Variants in EGFL6 observed in about 807,000 individuals in gnomAD.
EGFL6 encodes the protein epidermal growth factor-like protein 6.
In EGFL6, 42 loss-of-function variants were observed where a neutral mutation model predicts 43.1. The ratio of observed to expected loss-of-function variants is 0.98; its 90% CI spans 0.76 to 1.26. The LOEUF (loss-of-function observed/expected upper bound fraction) is 1.26. Ranked by LOEUF, EGFL6 falls within the 50% of genes most tolerant of loss-of-function variation. The pLI is 0.00. For missense variants in EGFL6, 429 were observed against 427.8 expected (o/e 1.00, Z -0.02); for synonymous variants, 164 against 163.2 (o/e 1.01, Z -0.04).
intron 7 of EGFL6, among the ~76,000 whole-genome samples, chrX:13,616,490 A>G (rs1438124150): frequency 9.1e-6 from 1 of 110,447 alleles, no homozygotes; most frequent in South Asian, 3.9e-4. Context: ...CGCACCTGTG[A>G]TCCCAGATAC....
intron 11 of EGFL6, among the ~76,000 whole-genome samples, chrX:13,629,407 C>G (rs1201662837): frequency 1.8e-5 from 2 of 111,002 alleles, no homozygotes; most frequent in Non-Finnish European, 3.8e-5. Flanking sequence ...GGTATACTAG[C>G]AAAACAGTGA....
At chrX:13,579,143 A>G (rs974539464) in intron 1 of EGFL6, among the ~76,000 whole-genome samples, 17 of 109,895 alleles carry the variant, frequency 1.5e-4, no homozygotes, top group African/African-American at 5.7e-4. Flanking sequence ...GGTTTGTTAT[A>G]TAGATAAATT....
chrX:13,619,522 G>A (rs1052715895), intron 9 of EGFL6, among the ~76,000 whole-genome samples: 1 of 111,439 alleles, frequency 9.0e-6, no homozygotes, highest in African/African-American at 3.3e-5. Context: ...ATGGAGATGG[G>A]AGAAACTTAC....
At chrX:13,617,654 A>C in intron 7 of EGFL6, 76 bp from the exon 8 acceptor site, 1 of 928,149 alleles carries the variant, frequency 1.1e-6, no homozygotes, top group Admixed American at 2.9e-5. Flanking sequence ...ACACTTTAAC[A>C]CTTTTTAAAT....
At chrX:13,598,579 T>C (rs2045613410) in intron 3 of EGFL6, among the ~76,000 whole-genome samples, 1 of 109,444 alleles carries the variant, frequency 9.1e-6, no homozygotes, top group Admixed American at 9.9e-5. Flanking sequence ...TTGTTGTTGT[T>C]GTTGTTGTTG....
chrX:13,606,753 C>T (rs928172081), intron 6 of EGFL6, among the ~76,000 whole-genome samples: 2 of 112,344 alleles, frequency 1.8e-5, no homozygotes, highest in Non-Finnish European at 3.8e-5. Flanking sequence ...CTTGTGGAAA[C>T]GATTATCTCA....
chrX:13,605,708 G>T (rs2045656668), intron 5 of EGFL6, among the ~76,000 whole-genome samples: 2 of 112,147 alleles, frequency 1.8e-5, no homozygotes, highest in Admixed American at 1.9e-4. Flanking sequence ...CCAAGCCTGA[G>T]TCTTAGTAGA....
At chrX:13,600,232 C>CTTG (rs1175070064) in intron 4 of EGFL6, 138 bp downstream of exon 4, 2 of 401,788 alleles carry the variant, frequency 5.0e-6, no homozygotes, top group African/African-American at 5.6e-5. Flanking sequence ...TTTTGTGGCA[C>CTTG]TTGTTTCTTT....
rs181778121 is a variant in EGFL6 at position 13,618,993 on chromosome X, G to A, written c.1103-170G>A. ...GTCTGGAAAAGATGTTTTAGATGAG[G>A]AAACTGGATCCAATGTGAATTATTT... is the stretch of plus-strand genomic sequence containing the variant. On this transcript the variant is annotated intron_variant, in intron 8 of 11. Transcript: ENST00000361306. 2.6e-3 allele frequency among the ~76,000 whole-genome samples: 295 copies of A among 112,373 alleles called. 1 individual carries two copies. The highest frequency in any genetic ancestry group is 9.2e-3 in the African/African-American group (285 of 30,987).
chrX:13,569,902 C>T lies in EGFL6; in HGVS notation c.41C>T (p.Ser14Phe). 8.3e-7 allele frequency: 1 copy of T among 1,212,112 alleles called. No homozygotes were observed. The highest frequency in any genetic ancestry group is 1.1e-6 in the Non-Finnish European group (1 of 895,415). The change falls in exon 1 of 12, where the codon TCC (serine) becomes TTC (phenylalanine). Residue 14 changes from serine to phenylalanine, a missense_variant. Transcript: ENST00000361306. ...PWSLALPLLL[S>F]WVAGGFGNAA... is the part of the protein sequence containing the mutation. ...AGCCTTGCGCTCCCGCTGCTGCTCT[C>T]CTGGGTGGCAGGTGGTTTCGGGAAC...
Position 13,606,502 on chromosome X carries a change from A to G in EGFL6, c.644A>G (p.Tyr215Cys). 2.5e-6 allele frequency: 3 copies of G among 1,211,059 alleles called. No individual in the cohort carries two copies. The highest frequency in any genetic ancestry group is 3.4e-6 in the Non-Finnish European group (3 of 895,029). Reference protein sequence around the residue: ...GFELQYISGRYDCIDINECTM... With the variant: ...GFELQYISGRCDCIDINECTM... The stretch of plus-strand genomic sequence containing the variant: ...GAACTGCAATATATCAGTGGACGAT[A>G]TGACTGTATAGGTAAGATTCGATGG... The change falls in exon 6 of 12, where the codon TAT becomes TGT. Residue 215 changes from tyrosine (Y) to cysteine (C), a missense_variant. Tyr to Cys is a radical substitution (Grantham distance 194). Transcript: ENST00000361306.
rs1321857752 is a variant in EGFL6 at position 13,633,523 on chromosome X, A to G, written c.*428A>G. On this transcript the variant is annotated 3_prime_UTR_variant, in exon 12 of 12. Coordinates refer to ENST00000361306, the MANE Select transcript of EGFL6 (RefSeq NM_015507.4). ...CCTAAGTGGCTTAGCTGGGTCTTTC[A>G]TAGCCAAACTTGTATATTTAAATTC... 1 of 113,623 alleles carries G rather than the reference A, an allele frequency of 8.8e-6. No individual in the cohort carries two copies. Among genetic ancestry groups the G allele is most frequent in the East Asian group, 2.7e-4 (1 of 3,644 alleles). The allele number at this position is 113,623 out of a possible 1,213,427, so 9.4% of individuals were successfully genotyped here. A position where few individuals can be genotyped will look rare whatever the true frequency, so the allele number is the denominator to read the frequency against.
At chrX:13,624,286 A>G (rs1208384541) in intron 10 of EGFL6, among the ~76,000 whole-genome samples, 1 of 111,740 alleles carries the variant, frequency 8.9e-6, no homozygotes, top group Non-Finnish European at 1.9e-5. Context: ...GGCATCTTGT[A>G]GTTTTTGTTT....
intron 7 of EGFL6, among the ~76,000 whole-genome samples, chrX:13,610,364 G>GT (rs2045682704): frequency 8.9e-6 from 1 of 112,206 alleles, no homozygotes; most frequent in African/African-American, 3.2e-5. Context: ...GCCCCATGGA[G>GT]TAGGGACATT....
At chrX:13,572,407 T>C (rs1400665961) in intron 1 of EGFL6, among the ~76,000 whole-genome samples, 1 of 112,543 alleles carries the variant, frequency 8.9e-6, no homozygotes, top group Non-Finnish European at 1.9e-5. Flanking sequence ...TTAAGATTAA[T>C]TGCTTCTGTT....
chrX:13,569,667 TC>T lies in EGFL6; in HGVS notation c.-191del. On this transcript the variant is annotated 5_prime_UTR_variant, in exon 1 of 12. Transcript: ENST00000361306. ...GGCTTGCCAGGGCGCCCCCAGCCCC[TC>T]CCCAGGCCGCGAGCGCCCCTGCCGC... 3.6e-6 allele frequency: 1 copy of T among 274,509 alleles called. No homozygotes were observed. The highest frequency in any genetic ancestry group is 6.4e-6 in the Non-Finnish European group (1 of 156,182). The allele number at this position is 274,509 out of a possible 1,213,427, so 22.6% of individuals were successfully genotyped here. A position where few individuals can be genotyped will look rare whatever the true frequency, so the allele number is the denominator to read the frequency against.
intron 3 of EGFL6, among the ~76,000 whole-genome samples, chrX:13,597,613 A>G (rs781618829): frequency 2.4e-4 from 27 of 111,285 alleles, no homozygotes; most frequent in Non-Finnish European, 4.3e-4. Context: ...GCAAAACCCC[A>G]TCTCTACTAA....
At chrX:13,609,164 C>G (rs745431372) in intron 7 of EGFL6, among the ~76,000 whole-genome samples, 15 of 112,241 alleles carry the variant, frequency 1.3e-4, no homozygotes, top group Admixed American at 9.4e-4. Flanking sequence ...AATAAAATCA[C>G]TTAAGGACAC....
intron 1 of EGFL6, among the ~76,000 whole-genome samples, 161 bp downstream of exon 1, chrX:13,570,096 G>A (rs1026415384): frequency 8.0e-5 from 9 of 112,485 alleles, no homozygotes; most frequent in Admixed American, 2.8e-4. Context: ...GGCCGGGAGC[G>A]CCCACGGGCT....
Sources: allele counts gnomAD v4.1 joint callset (sites outside exome capture counted in the v4.1 genomes callset), GRCh38; gene constraint gnomAD v4.1.1; transcripts MANE v1.5; gene names NCBI Gene and HGNC (gene_info 2026-07-23, HGNC 2026-07-21).